PCDHGA9: variants seen among roughly 807,000 people sequenced by gnomAD.
The protein encoded by PCDHGA9 is protocadherin gamma-A9.
A neutral mutation model predicts 62.5 loss-of-function variants in PCDHGA9; 37 were observed. The ratio of observed to expected loss-of-function variants is 0.59; its 90% CI spans 0.46 to 0.78. The LOEUF is 0.78. PCDHGA9 is among the 30% of genes least tolerant of loss of function. PCDHGA9 has a pLI of 0.00. For synonymous variants in PCDHGA9, 459 were observed against 484.6 expected (o/e 0.95, Z 0.69); for missense variants, 1,138 against 1,166.2 (o/e 0.98, Z 0.35).
At chr5:141,423,826 A>G (rs1324911075) in intron 1 of PCDHGA9, 21 of 1,275,178 alleles carry the variant, frequency 1.6e-5, no homozygotes, top group Middle Eastern at 2.2e-4. Flanking sequence ...TTTGCCTTTC[A>G]TGAGATTACG....
At chr5:141,483,291 A>T (rs767446911) in intron 1 of PCDHGA9, among the ~76,000 whole-genome samples, 4 of 152,126 alleles carry the variant, frequency 2.6e-5, no homozygotes, top group African/African-American at 4.8e-5. Flanking sequence ...TGTCAGTCAT[A>T]AGTGAAGGGA....
At position 141,493,061 on chromosome 5, in the gene PCDHGA9, C is replaced by G. The variant is rs1386090478; in HGVS notation, c.2425-1746C>G. On this transcript the variant is annotated intron_variant, in intron 1 of 3. Transcript: ENST00000573521. The surrounding 1 kb of genome is among the most constrained non-coding windows in gnomAD (Gnocchi z 4.3). The stretch of plus-strand genomic sequence containing the variant: ...GAGGAAACTACAATAGTAAAAAACA[C>G]AAGTTTCTCCAACTCCAGGAGCTTT... Among the ~76,000 whole-genome samples the G allele has an allele frequency of 6.6e-6, 1 of 152,228 alleles. No individual in the cohort carries two copies. Among genetic ancestry groups the G allele is most frequent in the African/African-American group, 2.4e-5 (1 of 41,446 alleles).
At chr5:141,428,146 C>T (rs549173211) in intron 1 of PCDHGA9, 15 of 1,589,346 alleles carry the variant, frequency 9.4e-6, no homozygotes, top group East Asian at 2.2e-5. Context: ...GGGCTGCACA[C>T]GGGAACCTGC....
In PCDHGA9 at chr5:141,510,989, C is replaced by A. The variant is rs2099883548; in HGVS notation, c.2615C>A (p.Thr872Asn). The A allele has an allele frequency of 1.2e-6, 2 of 1,614,198 alleles. No homozygotes were observed. The highest frequency in any genetic ancestry group is 1.7e-6 in the Non-Finnish European group (2 of 1,180,022). ...TCCACCCTGGGAGGGGGTGCCGGCA[C>A]CATGGGATTGAGCGCCCGCTACGGA... is the stretch of plus-strand genomic sequence containing the variant. ...GSSTLGGGAG[T>N]MGLSARYGPQ... Residue 872 changes from threonine to asparagine, a missense_variant, in exon 4 of 4, where the codon ACC becomes AAC. Thr to Asn is a moderately conservative substitution (Grantham distance 65, BLOSUM62 0). Transcript: ENST00000573521.
In PCDHGA9 at chr5:141,404,831, C is replaced by T. The variant is rs760971907; in HGVS notation, c.1879C>T (p.Arg627Cys). 12 of 1,613,738 alleles carry T rather than the reference C, an allele frequency of 7.4e-6. No homozygotes were observed. The highest frequency in any genetic ancestry group is 3.3e-5 in the Admixed American group (2 of 59,978). The change falls in exon 1 of 4, where the codon CGC (arginine) becomes TGC (cysteine). Residue 627 changes from arginine (R) to cysteine (C), a missense_variant. Arg to Cys is a radical substitution (Grantham distance 180). Transcript: ENST00000573521. The part of the protein sequence containing the change: ...FSVGLHTGEV[R>C]TARALLDRDA... ...GGTGGGGCTGCACACAGGTGAAGTGCGCACAGCTCGGGCCCTGCTAGATAG... is the reference window on the plus strand; with the variant it reads ...GGTGGGGCTGCACACAGGTGAAGTGTGCACAGCTCGGGCCCTGCTAGATAG...
intron 1 of PCDHGA9, chr5:141,418,113 T>C (rs1320881856): frequency 3.1e-6 from 5 of 1,613,912 alleles, no homozygotes; most frequent in Non-Finnish European, 3.4e-6. Context: ...GGGGACTTAC[T>C]TGTGAAGGAC....
In PCDHGA9 at chr5:141,476,908, A is replaced by G. The variant is rs754076231; in HGVS notation, c.2425-17899A>G. 6.2e-7 allele frequency: 1 copy of G among 1,614,050 alleles called. No individual in the cohort carries two copies. The highest frequency in any genetic ancestry group is 8.5e-7 in the Non-Finnish European group (1 of 1,180,038). On this transcript the variant is annotated intron_variant, in intron 1 of 3. Coordinates refer to ENST00000573521, the MANE Select transcript of PCDHGA9 (RefSeq NM_018921.3). This position sits in a 1 kb window ranked among gnomAD's most constrained non-coding sequence, Gnocchi z 7.6. ...ATGCACCCTCCGGCACGCGCGTGGT[A>G]CAAGTCCTTGCAACGGATCTGGATG...
chr5:141,442,720 T>C (rs941034636), intron 1 of PCDHGA9, among the ~76,000 whole-genome samples: 1 of 152,202 alleles, frequency 6.6e-6, no homozygotes, highest in Non-Finnish European at 1.5e-5. Flanking sequence ...GCCAGAGCAT[T>C]TGGGGCCTGT....
At chr5:141,448,667 G>A (rs1262994760) in intron 1 of PCDHGA9, among the ~76,000 whole-genome samples, 6 of 151,990 alleles carry the variant, frequency 3.9e-5, no homozygotes, top group African/African-American at 9.7e-5. Flanking sequence ...TTGGCCGGGC[G>A]CGGTGGCTCA....
chr5:141,496,737 C>T (rs900394639), intron 2 of PCDHGA9, among the ~76,000 whole-genome samples: 9 of 152,168 alleles, frequency 5.9e-5, no homozygotes, highest in African/African-American at 2.2e-4. Context: ...TTCATTCGTT[C>T]ATTTATTCAA....
At chr5:141,443,760 T>C (rs894568340) in intron 1 of PCDHGA9, among the ~76,000 whole-genome samples, 20 of 152,040 alleles carry the variant, frequency 1.3e-4, no homozygotes, top group African/African-American at 4.6e-4. Context: ...AAGCTTACAA[T>C]ATACAATATT....
intron 1 of PCDHGA9, among the ~76,000 whole-genome samples, chr5:141,454,701 C>G (rs1182969868): frequency 6.6e-6 from 1 of 151,760 alleles, no homozygotes; most frequent in Non-Finnish European, 1.5e-5. Context: ...CCACCATGCT[C>G]CACCTGCTTA....
intron 1 of PCDHGA9, chr5:141,413,740 C>T (rs1274240064): frequency 5.6e-6 from 9 of 1,613,284 alleles, no homozygotes; most frequent in African/African-American, 1.3e-5. Flanking sequence ...AGTTCAGAGC[C>T]GTGCCAATGG....
rs201968743 is a variant in PCDHGA9, at chr5:141,490,095, A to G, written c.2425-4712A>G. On this transcript the variant is annotated intron_variant, in intron 1 of 3. Coordinates refer to ENST00000573521, the MANE Select transcript of PCDHGA9 (RefSeq NM_018921.3). The surrounding 1 kb of genome is among the most constrained non-coding windows in gnomAD (Gnocchi z 5.4). ...TAGACTATTCTTTTGGAGACCACAC[A>G]TCTGAGGCAGTGCGGAACCTCTTTG... 2.4e-4 allele frequency: 394 copies of G among 1,614,156 alleles called. No individual in the cohort carries two copies. The highest frequency in any genetic ancestry group is 3.1e-4 in the Non-Finnish European group (363 of 1,180,054).
chr5:141,486,029 C>G lies in PCDHGA9; in HGVS notation c.2425-8778C>G. Reference sequence around the variant, plus strand: ...CACCTTTTATTTCAGTGGTCATACCCCTGATCGTGTAAGAAACCTCTTTAG... The same window carrying G: ...CACCTTTTATTTCAGTGGTCATACCGCTGATCGTGTAAGAAACCTCTTTAG... On this transcript the variant is annotated intron_variant, in intron 1 of 3. Transcript: ENST00000573521. The surrounding 1 kb of genome is among the most constrained non-coding windows in gnomAD (Gnocchi z 5.0). 6.2e-7 allele frequency: 1 copy of G among 1,614,016 alleles called. No homozygotes were observed. Among genetic ancestry groups the G allele is most frequent in the Non-Finnish European group, 8.5e-7 (1 of 1,179,900 alleles).
At chr5:141,482,611 G>T (rs1016481108) in intron 1 of PCDHGA9, among the ~76,000 whole-genome samples, 1 of 150,398 alleles carries the variant, frequency 6.6e-6, no homozygotes, top group Admixed American at 6.6e-5. Context: ...ACACCTAAAT[G>T]AGCCTGGAGA....
Position 141,466,657 on chromosome 5 carries a change from C to T in PCDHGA9, c.2425-28150C>T, listed in dbSNP as rs143657719. Among the ~76,000 whole-genome samples the T allele has an allele frequency of 1.4e-3, 211 of 152,280 alleles. 1 individual carries two copies. The highest frequency in any genetic ancestry group is 4.7e-3 in the African/African-American group (197 of 41,542). On this transcript the variant is annotated intron_variant, in intron 1 of 3. Transcript: ENST00000573521. ...TCTCCATAAACTTTTCACAAAACAT[C>T]AGTGATTTCACCGTTCTTCCACTCA...
chr5:141,409,462 C>G (rs377705841), intron 1 of PCDHGA9: 1 of 1,613,988 alleles, frequency 6.2e-7, no homozygotes, highest in African/African-American at 1.3e-5. Flanking sequence ...AATACAATGT[C>G]ACCATCGTAG....
intron 1 of PCDHGA9, among the ~76,000 whole-genome samples, chr5:141,448,632 T>G (rs1383720361): frequency 1.3e-5 from 2 of 152,106 alleles, no homozygotes; most frequent in Admixed American, 1.3e-4. Context: ...TTCTTCACAT[T>G]ATATCCTTTA....
Sources: allele counts gnomAD v4.1 joint callset (sites outside exome capture counted in the v4.1 genomes callset), GRCh38; gene constraint gnomAD v4.1.1; non-coding constraint Gnocchi (gnomAD v3.1); transcripts MANE v1.5; gene names NCBI Gene and HGNC (gene_info 2026-07-23, HGNC 2026-07-21).